The following ARHGEF12 variants were observed in gnomAD, a reference collection of about 807,000 sequenced individuals.
ARHGEF12 encodes KMT2A/ARHGEF12 fusion protein.
Under a neutral mutation model 211.2 loss-of-function variants are expected in ARHGEF12, and 66 were observed. The observed-to-expected ratio is 0.31, with a 90% CI of 0.26 to 0.38. The LOEUF is 0.38. Ranked by LOEUF, ARHGEF12 falls within the 10% of genes least tolerant of loss-of-function variation. The pLI is 1.00. For synonymous variants in ARHGEF12, 592 were observed against 638.4 expected (o/e 0.93, Z 1.09); for missense variants, 1,429 against 1,869.5 (o/e 0.76, Z 4.34).
At position 120,460,691 on chromosome 11, in the gene ARHGEF12, G is replaced by A. The variant is rs1394118357; in HGVS notation, c.2547G>A (p.Met849Ile). 6.2e-7 allele frequency: 1 copy of A among 1,613,646 alleles called. No homozygotes were observed. Among genetic ancestry groups the A allele is most frequent in the Non-Finnish European group, 8.5e-7 (1 of 1,179,866 alleles). The part of the protein sequence containing the change: ...LQLHIGLNEQ[M>I]KAVRKRNETS... ...CTTTAGTTGGATTGAATGAACAAAT[G>A]AAGGCTGTTCGAAAGAGAAATGAGA... Residue 849 changes from methionine (M) to isoleucine (I), a missense_variant, in exon 27 of 41, where the codon ATG (methionine) becomes ATA (isoleucine). By Grantham distance (10) the Met-to-Ile change is conservative (BLOSUM62 1). Around this residue, in one of 7 missense-constraint regions of ARHGEF12, gnomAD observed 223 missense variants for 444.6 expected, o/e 0.50. Coordinates refer to ENST00000397843, the MANE Select transcript of ARHGEF12 (RefSeq NM_015313.3).
intron 1 of ARHGEF12, among the ~76,000 whole-genome samples, chr11:120,363,061 C>T (rs1403770775): frequency 6.6e-6 from 1 of 152,178 alleles, no homozygotes; most frequent in African/African-American, 2.4e-5. Context: ...GATCGCACCA[C>T]TGCACTCCAG....
At chr11:120,478,624 C>T (rs1426566463) in intron 37 of ARHGEF12, among the ~76,000 whole-genome samples, 1 of 152,164 alleles carries the variant, frequency 6.6e-6, no homozygotes, top group Non-Finnish European at 1.5e-5. Flanking sequence ...GCATATCTCT[C>T]AGTTGTATTG....
chr11:120,466,189 C>G (rs1237216871), intron 28 of ARHGEF12, among the ~76,000 whole-genome samples: 3 of 152,242 alleles, frequency 2.0e-5, no homozygotes, highest in Non-Finnish European at 2.9e-5. Context: ...ATCACAGCGT[C>G]AGCGGGAGCT....
intron 39 of ARHGEF12, among the ~76,000 whole-genome samples, chr11:120,482,770 C>CA (rs970903167): frequency 6.6e-6 from 1 of 151,558 alleles, no homozygotes; most frequent in Non-Finnish European, 1.5e-5. Context: ...AGTTTGCCAT[C>CA]AGAAAACACA....
At chr11:120,484,378 T>TTTTTG (rs1158332986) in intron 39 of ARHGEF12, 60 bp from the exon 40 acceptor site, 3 of 1,497,618 alleles carry the variant, frequency 2.0e-6, no homozygotes, top group Non-Finnish European at 2.8e-6. Flanking sequence ...TTTTCTGAAG[T>TTTTTG]TTTTGTTTTG....
intron 6 of ARHGEF12, among the ~76,000 whole-genome samples, chr11:120,422,599 T>C (rs923863369): frequency 7.2e-5 from 11 of 152,214 alleles, no homozygotes; most frequent in Middle Eastern, 3.2e-3. Context: ...GATGTATCAT[T>C]ATGTATATAC....
chr11:120,402,435 C>G (rs1476726874), intron 1 of ARHGEF12, among the ~76,000 whole-genome samples: 1 of 152,040 alleles, frequency 6.6e-6, no homozygotes, highest in Non-Finnish European at 1.5e-5. Flanking sequence ...GTGTTTTTTC[C>G]TCCTCATTTT....
intron 39 of ARHGEF12, among the ~76,000 whole-genome samples, chr11:120,482,744 CAA>C (rs11289906): frequency 1.1e-3 from 128 of 119,014 alleles, no homozygotes; most frequent in Non-Finnish European, 9.3e-4. Flanking sequence ...GACTCTGTCT[CAA>C]AAAAAAAAAA....
Position 120,437,430 on chromosome 11 carries a change from A to G in ARHGEF12, c.999+48A>G, listed in dbSNP as rs750494763. 6.8e-6 allele frequency: 10 copies of G among 1,465,158 alleles called. No homozygotes were observed. In the African/African-American group the frequency reaches 7.0e-5, roughly 10 times the overall value. The allele number at this position is 1,465,158 out of a possible 1,614,324, so 90.8% of individuals were successfully genotyped here. ...GATAGTGCTGTCTTTGGCTTTCCTT[A>G]TACTTAAAGTATGGTATAGACACAT... On this transcript the variant is annotated intron_variant, in intron 12 of 40. Coordinates refer to ENST00000397843, the MANE Select transcript of ARHGEF12 (RefSeq NM_015313.3).
intron 1 of ARHGEF12, among the ~76,000 whole-genome samples, chr11:120,354,811 A>G (rs1943085977): frequency 6.6e-6 from 1 of 152,214 alleles, no homozygotes; most frequent in African/African-American, 2.4e-5. Context: ...GGGATTTACA[A>G]AGAGGCTAAC....
At position 120,477,155 on chromosome 11, in the gene ARHGEF12, G is replaced by A. The variant is rs568718835; in HGVS notation, c.3366-64G>A. 1.5e-5 allele frequency: 20 copies of A among 1,325,494 alleles called. No individual in the cohort carries two copies. The South Asian group carries it at 2.5e-4, about 17-fold the overall frequency. 82.1% of individuals were successfully genotyped at this position (1,325,494 alleles called of 1,614,324 possible). A position where few individuals can be genotyped will look rare whatever the true frequency, so the allele number is the denominator to read the frequency against. On this transcript the variant is annotated intron_variant, in intron 34 of 40. Coordinates refer to ENST00000397843, the MANE Select transcript of ARHGEF12 (RefSeq NM_015313.3). ...GTTTTTGTTTAGTTTTGCTTTCTGAGTATATTTAAAGGATATTTCTTTTTT... is the reference window on the plus strand; with the variant it reads ...GTTTTTGTTTAGTTTTGCTTTCTGAATATATTTAAAGGATATTTCTTTTTT...
chr11:120,421,863 G>A lies in ARHGEF12; in HGVS notation c.348+11G>A. ...GATCGAATCATCAAGGTAAGGAATAGGCTATTATAGAATTTACGGTAGGAT... is the reference window on the plus strand; with the variant it reads ...GATCGAATCATCAAGGTAAGGAATAAGCTATTATAGAATTTACGGTAGGAT... On this transcript the variant is annotated intron_variant, in intron 6 of 40. Coordinates refer to ENST00000397843, the MANE Select transcript of ARHGEF12 (RefSeq NM_015313.3). 3 of 1,601,774 alleles carry A rather than the reference G, an allele frequency of 1.9e-6. No homozygotes were observed. Among genetic ancestry groups the A allele is most frequent in the East Asian group, 2.3e-5 (1 of 44,420 alleles).
intron 4 of ARHGEF12, among the ~76,000 whole-genome samples, chr11:120,419,680 A>T (rs1945126922): frequency 6.6e-6 from 1 of 152,096 alleles, no homozygotes; most frequent in Non-Finnish European, 1.5e-5. Flanking sequence ...GCCATTGTAC[A>T]CACAGTCTAT....
At chr11:120,360,690 G>A (rs1943253913) in intron 1 of ARHGEF12, among the ~76,000 whole-genome samples, 1 of 152,150 alleles carries the variant, frequency 6.6e-6, no homozygotes, top group South Asian at 2.1e-4. Flanking sequence ...ACCATGCCTG[G>A]CCAGTAATAT....
In ARHGEF12 at chr11:120,347,152, C is replaced by CT. The variant is rs1565416949; in HGVS notation, c.32+9879dup. On this transcript the variant is annotated intron_variant, in intron 1 of 40. Transcript: ENST00000397843. ...CTTTCTTTCCTTCCTTCCTTCCTTC[C>CT]TTCCTTCCTTCCTTCCTTCCTTCCT... Among the ~76,000 whole-genome samples the CT allele has an allele frequency of 4.3e-3, 194 of 45,338 alleles. 4 individuals carry two copies. The highest frequency in any genetic ancestry group is 0.027 in the African/African-American group (176 of 6,538). 29.7% of individuals were successfully genotyped at this position (45,338 alleles called of 152,430 possible). A position where few individuals can be genotyped will look rare whatever the true frequency, so the allele number is the denominator to read the frequency against.
intron 28 of ARHGEF12, 136 bp downstream of exon 28, chr11:120,465,498 G>A (rs1040566127): frequency 2.0e-5 from 23 of 1,130,972 alleles, no homozygotes; most frequent in African/African-American, 7.9e-5. Flanking sequence ...ACAGGGTCTC[G>A]CTGTGTTGCC....
chr11:120,363,859 T>A (rs1289273524), intron 1 of ARHGEF12, among the ~76,000 whole-genome samples: 1 of 152,156 alleles, frequency 6.6e-6, no homozygotes, highest in Non-Finnish European at 1.5e-5. Flanking sequence ...GTGCTTTGGA[T>A]GGAGAAATAT....
chr11:120,468,610 G>A (rs1946777890), intron 29 of ARHGEF12, among the ~76,000 whole-genome samples: 1 of 152,100 alleles, frequency 6.6e-6, no homozygotes, highest in African/African-American at 2.4e-5. Context: ...CACCACACCT[G>A]GCTAATTTTT....
intron 22 of ARHGEF12, among the ~76,000 whole-genome samples, chr11:120,454,694 G>T (rs1390763494): frequency 1.3e-5 from 2 of 152,204 alleles, no homozygotes; most frequent in African/African-American, 2.4e-5. Context: ...ACCCATTTCT[G>T]TGCCCACTCA....
Sources: allele counts gnomAD v4.1 joint callset (sites outside exome capture counted in the v4.1 genomes callset), GRCh38; gene constraint gnomAD v4.1.1; regional missense constraint gnomAD v4.1.1; transcripts MANE v1.5; gene names NCBI Gene and HGNC (gene_info 2026-07-23, HGNC 2026-07-21).